The following KCNN2 variants were observed in gnomAD, a reference collection of about 807,000 sequenced individuals.
The protein encoded by KCNN2 is small conductance calcium-activated potassium channel protein 2.
A neutral mutation model predicts 55.5 loss-of-function variants in KCNN2; 24 were observed. The observed-to-expected ratio is 0.43, with a 90% CI of 0.31 to 0.61. KCNN2 has a LOEUF of 0.61. KCNN2 is among the 20% of genes least tolerant of loss of function. The pLI is 0.08. For missense variants in KCNN2, 754 were observed against 853.6 expected (o/e 0.88, Z 1.45); for synonymous variants, 431 against 336.1 (o/e 1.28, Z -3.09).
At chr5:114,099,134 C>T (rs1359474667) in intron 1 of KCNN2, among the ~76,000 whole-genome samples, 1 of 152,004 alleles carries the variant, frequency 6.6e-6, no homozygotes, top group Non-Finnish European at 1.5e-5. Context: ...TTTCTTTTGA[C>T]AAAAAACGTA....
At chr5:114,156,304 G>T (rs895635562) in intron 1 of KCNN2, among the ~76,000 whole-genome samples, 1 of 152,158 alleles carries the variant, frequency 6.6e-6, no homozygotes, top group South Asian at 2.1e-4. Flanking sequence ...ATAGTTTAAA[G>T]TCAGGTAGCA....
At chr5:114,308,988 C>T (rs980326779) in intron 2 of KCNN2, among the ~76,000 whole-genome samples, 9 of 152,080 alleles carry the variant, frequency 5.9e-5, no homozygotes, top group South Asian at 2.1e-4. Context: ...TTATTTACTC[C>T]GTGACTCAAA....
intron 1 of KCNN2, among the ~76,000 whole-genome samples, chr5:114,108,675 T>C (rs1751535937): frequency 6.6e-6 from 1 of 152,098 alleles, no homozygotes; most frequent in South Asian, 2.1e-4. Flanking sequence ...CTTAGAGTCA[T>C]GCATGCTGTT....
chr5:114,130,917 T>C (rs1752058617), intron 1 of KCNN2, among the ~76,000 whole-genome samples: 1 of 152,180 alleles, frequency 6.6e-6, no homozygotes, highest in Non-Finnish European at 1.5e-5. Context: ...TCTGTCTGCA[T>C]CAGATAGCTC....
intron 1 of KCNN2, among the ~76,000 whole-genome samples, chr5:114,149,998 A>G (rs1027572836): frequency 3.9e-5 from 6 of 152,092 alleles, no homozygotes; most frequent in Non-Finnish European, 7.4e-5. Flanking sequence ...TCCCAGAGCT[A>G]TGAACATCTG....
chr5:114,246,486 T>C lies in KCNN2; in HGVS notation c.-185+24921T>C, dbSNP rs6886134. Reference sequence around the variant, plus strand: ...TCTATGAACTTTATTGTTTATAGAGTAGAATTACTAAATCACTAAAACTCA... The same window carrying C: ...TCTATGAACTTTATTGTTTATAGAGCAGAATTACTAAATCACTAAAACTCA... On this transcript the variant is annotated intron_variant, in intron 2 of 10. Transcript: ENST00000512097. 8.7e-3 allele frequency among the ~76,000 whole-genome samples: 1,328 copies of C among 152,284 alleles called. 23 individuals carry two copies. Among genetic ancestry groups the C allele is most frequent in the African/African-American group, 0.029 (1,217 of 41,564 alleles).
chr5:114,396,836 C>T lies in KCNN2; in HGVS notation c.1219-7602C>T, dbSNP rs1024195229. ...CTGGGGTTACAGGCGTGAGCCACCACGGTCAGCCTAGGTAGTCTTTTGATC... is the reference window on the plus strand; with the variant it reads ...CTGGGGTTACAGGCGTGAGCCACCATGGTCAGCCTAGGTAGTCTTTTGATC... On this transcript the variant is annotated intron_variant, in intron 2 of 7. Coordinates refer to ENST00000673685, the MANE Select transcript of KCNN2 (RefSeq NM_021614.4). 7.2e-5 allele frequency among the ~76,000 whole-genome samples: 11 copies of T among 152,078 alleles called. 1 individual carries two copies. Among genetic ancestry groups the T allele is most frequent in the East Asian group, 3.9e-4 (2 of 5,178 alleles).
intron 3 of KCNN2, among the ~76,000 whole-genome samples, chr5:114,420,109 G>A (rs1759429393): frequency 6.6e-6 from 1 of 152,192 alleles, no homozygotes. Context: ...ATTGACCTTG[G>A]GTAACATCAG....
intron 1 of KCNN2, among the ~76,000 whole-genome samples, chr5:114,210,819 T>G (rs140661862): frequency 6.5e-4 from 99 of 152,296 alleles, no homozygotes; most frequent in African/African-American, 2.1e-3. Context: ...GGGTTTAAAC[T>G]ATTTCTTATC....
At chr5:114,063,629 C>G (rs1750378581) in intron 1 of KCNN2, among the ~76,000 whole-genome samples, 1 of 152,206 alleles carries the variant, frequency 6.6e-6, no homozygotes, top group Admixed American at 6.5e-5. Context: ...GATAATGGAA[C>G]TGCATTTCAG....
intron 2 of KCNN2, among the ~76,000 whole-genome samples, chr5:114,233,581 G>C (rs1754406048): frequency 6.6e-6 from 1 of 151,936 alleles, no homozygotes; most frequent in Non-Finnish European, 1.5e-5. Context: ...GTCTTTTGTG[G>C]GAAACCGCTT....
At chr5:114,448,111 A>T (rs1040792737) in intron 3 of KCNN2, among the ~76,000 whole-genome samples, 1 of 152,102 alleles carries the variant, frequency 6.6e-6, no homozygotes, top group African/African-American at 2.4e-5. Flanking sequence ...TCCAACCATT[A>T]TATGTTTACA....
At chr5:114,324,676 A>T (rs1215429591) in intron 2 of KCNN2, among the ~76,000 whole-genome samples, 2 of 152,232 alleles carry the variant, frequency 1.3e-5, no homozygotes, top group African/African-American at 4.8e-5. Context: ...ATAATTTGTT[A>T]CAGCAGCAAT....
chr5:114,381,689 A>G (rs1005677634), intron 2 of KCNN2, among the ~76,000 whole-genome samples: 2 of 152,318 alleles, frequency 1.3e-5, no homozygotes, highest in African/African-American at 4.8e-5. Context: ...AAGCCTTCTC[A>G]TTATTTCAGA....
chr5:114,161,085 G>A (rs966235736), intron 1 of KCNN2, among the ~76,000 whole-genome samples: 17 of 152,194 alleles, frequency 1.1e-4, no homozygotes, highest in African/African-American at 3.9e-4. Flanking sequence ...AGTTGATGCA[G>A]TTTCTTCCTA....
intron 1 of KCNN2, among the ~76,000 whole-genome samples, chr5:114,085,124 A>C (rs1750987349): frequency 6.6e-6 from 1 of 151,674 alleles, no homozygotes; most frequent in African/African-American, 2.4e-5. Context: ...GTAGCTTTAG[A>C]GTAAGTTTTG....
chr5:114,174,291 C>T (rs377668485), intron 1 of KCNN2, among the ~76,000 whole-genome samples: 19 of 152,164 alleles, frequency 1.2e-4, no homozygotes, highest in East Asian at 7.7e-4. Flanking sequence ...TAGAAAACAA[C>T]GCAGAAAGTG....
At chr5:114,339,840 A>T (rs1489952723) in intron 2 of KCNN2, among the ~76,000 whole-genome samples, 1 of 151,886 alleles carries the variant, frequency 6.6e-6, no homozygotes, top group Non-Finnish European at 1.5e-5. Flanking sequence ...TAAATAAATA[A>T]ATAAATAAAA....
intron 3 of KCNN2, among the ~76,000 whole-genome samples, chr5:114,429,167 C>T (rs1759716653): frequency 6.6e-6 from 1 of 152,042 alleles, no homozygotes; most frequent in Non-Finnish European, 1.5e-5. Flanking sequence ...AGTGACATAC[C>T]ATTTTGTAAT....
Sources: allele counts gnomAD v4.1 joint callset (sites outside exome capture counted in the v4.1 genomes callset), GRCh38; gene constraint gnomAD v4.1.1; transcripts MANE v1.5; gene names NCBI Gene and HGNC (gene_info 2026-07-23, HGNC 2026-07-21).